Variants in ZNF597 observed in about 807,000 individuals in gnomAD.
ZNF597 encodes zinc finger protein 597.
ZNF597 carries 5 observed loss-of-function variants against 7.3 expected under a neutral mutation model. The ratio of observed to expected loss-of-function variants is 0.68; its 90% CI spans 0.36 to 1.44. ZNF597 has a LOEUF of 1.44. Among genes scored for constraint, ZNF597 ranks in the 40% most tolerant of loss-of-function variants. ZNF597 has a pLI of 0.04. For missense variants in ZNF597, 585 were observed against 517.9 expected (o/e 1.13, Z -1.26); for synonymous variants, 209 against 185.4 (o/e 1.13, Z -1.04).
At chr16:3,442,447 G>A (rs1350141656) in intron 2 of ZNF597, among the ~76,000 whole-genome samples, 3 of 152,048 alleles carry the variant, frequency 2.0e-5, no homozygotes, top group East Asian at 1.9e-4. Context: ...AGACCGAGGC[G>A]GGCGGATCAC....
rs565639515 is a variant in ZNF597 at position 3,438,319 on chromosome 16, G to C, written c.161-781C>G. Among the ~76,000 whole-genome samples, 10 of 152,122 alleles carry C rather than the reference G, an allele frequency of 6.6e-5. No individual in the cohort carries two copies. In the East Asian group the frequency reaches 1.9e-3, roughly 29 times the overall value. Reference sequence around the variant, plus strand: ...TCACACCTGTGATCCCAGCACTTTGGGAGGCCGAGGCGGGTGGATCACGAG... The same window carrying C: ...TCACACCTGTGATCCCAGCACTTTGCGAGGCCGAGGCGGGTGGATCACGAG... On this transcript the variant is annotated intron_variant, in intron 3 of 3. Transcript: ENST00000301744.
chr16:3,440,450 C>T (rs553704032), intron 3 of ZNF597, among the ~76,000 whole-genome samples: 109 of 152,182 alleles, frequency 7.2e-4, no homozygotes, highest in African/African-American at 2.4e-3. Flanking sequence ...CTGGCTAACA[C>T]GGTGAAACCC....
Position 3,436,525 on chromosome 16 carries a change from T to C in ZNF597, c.1174A>G (p.Met392Val), listed in dbSNP as rs2034302035. The C allele has an allele frequency of 1.9e-6, 3 of 1,614,202 alleles. No individual in the cohort carries two copies. Among genetic ancestry groups the C allele is most frequent in the South Asian group, 1.1e-5 (1 of 91,080 alleles). Residue 392 changes from methionine to valine, a missense_variant, in exon 4 of 4, where the codon ATG (methionine) becomes GTG (valine). Physicochemically the swap from Met to Val is conservative, Grantham distance 21. Transcript: ENST00000301744. The part of the protein sequence containing the change: ...SELACHQKSH[M>V]LAEPFKCTVC... Reference sequence around the variant, plus strand: ...GTACATTTAAAAGGTTCCGCTAGCATGTGGCTCTTCTGGTGGCATGCAAGT... The same window carrying C: ...GTACATTTAAAAGGTTCCGCTAGCACGTGGCTCTTCTGGTGGCATGCAAGT...
chr16:3,434,686 A>G lies in ZNF597; in HGVS notation c.*1738T>C, dbSNP rs974819373. The G allele has an allele frequency of 1.3e-5, 2 of 152,214 alleles. No homozygotes were observed. The allele number at this position is 152,214 out of a possible 1,614,324, so 9.4% of individuals were successfully genotyped here. ...GTAATAAGAGCTTAGCTGAGTAGCCAGCATTTTTTGTATATTTAGTCCTCA... is the reference window on the plus strand; with the variant it reads ...GTAATAAGAGCTTAGCTGAGTAGCCGGCATTTTTTGTATATTTAGTCCTCA... On this transcript the variant is annotated 3_prime_UTR_variant, in exon 4 of 4. Transcript: ENST00000301744.
At position 3,434,392 on chromosome 16, in the gene ZNF597, A is replaced by C. The variant is rs2034281061; in HGVS notation, c.*2032T>G. On this transcript the variant is annotated 3_prime_UTR_variant, in exon 4 of 4. Coordinates refer to ENST00000301744, the MANE Select transcript of ZNF597 (RefSeq NM_152457.3). ...GTATCTCAGAGTTGCCTAATAAGTA[A>C]TCTAACTGGAGACTATCTTTCTACA... 3 of 152,208 alleles carry C rather than the reference A, an allele frequency of 2.0e-5. No homozygotes were observed. Among genetic ancestry groups the C allele is most frequent in the Admixed American group, 1.3e-4 (2 of 15,270 alleles). 9.4% of individuals were successfully genotyped at this position (152,208 alleles called of 1,614,324 possible).
chr16:3,439,534 T>C lies in ZNF597; in HGVS notation c.160+1273A>G, dbSNP rs191634663. On this transcript the variant is annotated intron_variant, in intron 3 of 3. Transcript: ENST00000301744. Reference sequence around the variant, plus strand: ...AGCCAAAGTGGAAAGACATAAGACATTGAGCAGCAACGTCCACAGAAAAAA... The same window carrying C: ...AGCCAAAGTGGAAAGACATAAGACACTGAGCAGCAACGTCCACAGAAAAAA... 2.2e-3 allele frequency among the ~76,000 whole-genome samples: 330 copies of C among 152,000 alleles called. 2 individuals carry two copies. The highest frequency in any genetic ancestry group is 7.5e-3 in the African/African-American group (310 of 41,440).
In ZNF597 at chr16:3,437,446, G is replaced by C; in HGVS notation, c.253C>G (p.Pro85Ala). Residue 85 changes from proline (P) to alanine (A), a missense_variant, in exon 4 of 4, where the codon CCC becomes GCC. Pro to Ala is a conservative substitution (Grantham distance 27). Transcript: ENST00000301744. ...LALEKYPIAA[P>A]LVPYPEKSSE... Reference sequence around the variant, plus strand: ...GATTTTTCTGGGTAAGGGACAAGGGGTGCAGCAATGGGGTACTTTTCTAAG... The same window carrying C: ...GATTTTTCTGGGTAAGGGACAAGGGCTGCAGCAATGGGGTACTTTTCTAAG... 6 of 1,614,164 alleles carry C rather than the reference G, an allele frequency of 3.7e-6. No individual in the cohort carries two copies. Among genetic ancestry groups the C allele is most frequent in the Non-Finnish European group, 5.1e-6 (6 of 1,180,034 alleles).
Position 3,436,322 on chromosome 16 carries a change from T to C in ZNF597, c.*102A>G, listed in dbSNP as rs2034299460. 1.2e-5 allele frequency: 13 copies of C among 1,094,166 alleles called. No homozygotes were observed. In the South Asian group the frequency reaches 1.6e-4, roughly 13 times the overall value. 67.8% of individuals were successfully genotyped at this position (1,094,166 alleles called of 1,614,324 possible). ...GAATTAAGTATTACATGGGAATGTG[T>C]GTAAAGTGCTTAGCACATTGCCTGG... On this transcript the variant is annotated 3_prime_UTR_variant, in exon 4 of 4. Transcript: ENST00000301744.
Position 3,434,241 on chromosome 16 carries a change from T to C in ZNF597, c.*2183A>G, listed in dbSNP as rs2034279616. ...ATTTCATCCCCCATCCTGTGACTCA[T>C]TAGATCTTTGACTGAACTCTTAGGG... On this transcript the variant is annotated 3_prime_UTR_variant, in exon 4 of 4. Coordinates refer to ENST00000301744, the MANE Select transcript of ZNF597 (RefSeq NM_152457.3). 6.6e-6 allele frequency: 1 copy of C among 152,270 alleles called. No homozygotes were observed. Among genetic ancestry groups the C allele is most frequent in the Non-Finnish European group, 1.5e-5 (1 of 68,072 alleles). The allele number at this position is 152,270 out of a possible 1,614,324, so 9.4% of individuals were successfully genotyped here.
At position 3,441,757 on chromosome 16, in the gene ZNF597, T is replaced by TCAAAAA. The variant is rs931317791; in HGVS notation, c.34-830_34-825dup. Among the ~76,000 whole-genome samples the TCAAAAA allele has an allele frequency of 5.9e-5, 8 of 136,146 alleles. No individual in the cohort carries two copies. The East Asian group carries it at 1.1e-3, about 19-fold the overall frequency. The allele number at this position is 136,146 out of a possible 152,430, so 89.3% of individuals were successfully genotyped here. A position where few individuals can be genotyped will look rare whatever the true frequency, so the allele number is the denominator to read the frequency against. On this transcript the variant is annotated intron_variant, in intron 2 of 3. Coordinates refer to ENST00000301744, the MANE Select transcript of ZNF597 (RefSeq NM_152457.3). ...CTGGGCAACAGAGCGACACTCCATC[T>TCAAAAA]CAAAAACAAAAACAAAAACAAAACA...
chr16:3,436,160 TTG>T lies in ZNF597; in HGVS notation c.*262_*263del. 2.6e-6 allele frequency: 1 copy of T among 377,616 alleles called. No individual in the cohort carries two copies. The highest frequency in any genetic ancestry group is 7.8e-5 in the South Asian group (1 of 12,838). The allele number at this position is 377,616 out of a possible 1,614,324, so 23.4% of individuals were successfully genotyped here. A position where few individuals can be genotyped will look rare whatever the true frequency, so the allele number is the denominator to read the frequency against. ...AATGAAAATTGAATTTAAACAAAAGTTGTGTATCTTCTTCTGGCTCACAGTTG... is the reference window on the plus strand; with the variant it reads ...AATGAAAATTGAATTTAAACAAAAGTTGTATCTTCTTCTGGCTCACAGTTG... On this transcript the variant is annotated 3_prime_UTR_variant, in exon 4 of 4. Coordinates refer to ENST00000301744, the MANE Select transcript of ZNF597 (RefSeq NM_152457.3).
Position 3,437,051 on chromosome 16 carries a change from C to T in ZNF597, c.648G>A (p.Lys216=). The T allele has an allele frequency of 6.2e-7, 1 of 1,614,200 alleles. No individual in the cohort carries two copies. Among genetic ancestry groups the T allele is most frequent in the Non-Finnish European group, 8.5e-7 (1 of 1,180,042 alleles). ...HTGEKPYKCA[K]CSASFRQHSH... ...AGTGCTGGCGAAAGCTGGCACTGCA[C>T]TTGGCACACTTATAAGGTTTCTCAC... Residue 216 remains lysine, a synonymous_variant, in exon 4 of 4, where the codon AAG becomes AAA. Transcript: ENST00000301744.
In ZNF597 at chr16:3,436,352, T is replaced by G. The variant is rs577799139; in HGVS notation, c.*72A>C. ...AGTGCTTAGCACATTGCCTGGGACATATACAGTAACTGCTTCCCACCATAC... is the reference window on the plus strand; with the variant it reads ...AGTGCTTAGCACATTGCCTGGGACAGATACAGTAACTGCTTCCCACCATAC... On this transcript the variant is annotated 3_prime_UTR_variant, in exon 4 of 4. Coordinates refer to ENST00000301744, the MANE Select transcript of ZNF597 (RefSeq NM_152457.3). The G allele has an allele frequency of 4.2e-6, 6 of 1,435,908 alleles. No individual in the cohort carries two copies. In the East Asian group the frequency reaches 1.4e-4, roughly 33 times the overall value. 88.9% of individuals were successfully genotyped at this position (1,435,908 alleles called of 1,614,324 possible).
rs759716585 is a variant in ZNF597, at chr16:3,437,190, T to G, written c.509A>C (p.Tyr170Ser). ...ATGAATTTTCTGATGCAAAACTAGG[T>G]ATGAATGATCGCTGAAGTTTTGGTC... is the stretch of plus-strand genomic sequence containing the variant. Reference protein sequence around the residue: ...ECDQNFSDHSYLVLHQKIHSG... With the variant: ...ECDQNFSDHSSLVLHQKIHSG... The change falls in exon 4 of 4, where the codon TAC becomes TCC. Residue 170 changes from tyrosine to serine, a missense_variant. Coordinates refer to ENST00000301744, the MANE Select transcript of ZNF597 (RefSeq NM_152457.3). 2 of 1,614,228 alleles carry G rather than the reference T, an allele frequency of 1.2e-6. No homozygotes were observed. The highest frequency in any genetic ancestry group is 1.3e-5 in the African/African-American group (1 of 75,064).
At chr16:3,443,234 G>C in intron 1 of ZNF597, 28 bp from the exon 2 acceptor site, 1 of 1,459,614 alleles carries the variant, frequency 6.9e-7, no homozygotes, top group Non-Finnish European at 9.4e-7. Context: ...AGTTCTTAAA[G>C]GGACCAATTC....
chr16:3,439,022 C>A (rs1248428022), intron 3 of ZNF597, among the ~76,000 whole-genome samples: 1 of 152,096 alleles, frequency 6.6e-6, no homozygotes, highest in African/African-American at 2.4e-5. Flanking sequence ...AATTTGAAAG[C>A]AAAACAGCAA....
chr16:3,438,568 A>T (rs1346332830), intron 3 of ZNF597, among the ~76,000 whole-genome samples: 1 of 151,948 alleles, frequency 6.6e-6, no homozygotes, highest in East Asian at 1.9e-4. Context: ...GTCTCAAAAA[A>T]AAATAATAAT....
intron 3 of ZNF597, among the ~76,000 whole-genome samples, chr16:3,439,782 A>G (rs1284184927): frequency 1.3e-5 from 2 of 152,220 alleles, no homozygotes; most frequent in African/African-American, 2.4e-5. Context: ...TTACCCAGGA[A>G]GTAAAGAAAA....
chr16:3,442,351 C>G (rs959196663), intron 2 of ZNF597, among the ~76,000 whole-genome samples: 5 of 152,060 alleles, frequency 3.3e-5, no homozygotes, highest in South Asian at 2.1e-4. Context: ...GCCAGGAGTT[C>G]CTTGGCAAAG....
Sources: gnomAD v4.1 joint callset for allele counts (sites outside exome capture counted in the v4.1 genomes callset) on GRCh38, gnomAD v4.1.1 for gene constraint, MANE v1.5 for transcripts, NCBI Gene and HGNC (gene_info 2026-07-23, HGNC 2026-07-21) for gene names.